SERINC5: variants seen among roughly 807,000 people sequenced by gnomAD.
SERINC5 encodes the protein serine incorporator 5.
SERINC5 carries 41 observed loss-of-function variants against 63.1 expected under a neutral mutation model. The ratio of observed to expected loss-of-function variants is 0.65; its 90% CI spans 0.51 to 0.84. SERINC5 has a LOEUF of 0.84. SERINC5 is among the 40% of genes least tolerant of loss of function. SERINC5 has a pLI of 0.00. For synonymous variants in SERINC5, 222 were observed against 215.2 expected (o/e 1.03, Z -0.28); for missense variants, 523 against 573.0 (o/e 0.91, Z 0.89).
chr5:80,156,935 T>C (rs540659049), intron 8 of SERINC5: 1 of 152,178 alleles, frequency 6.6e-6, no homozygotes, highest in South Asian at 2.1e-4. Context: ...TGCCATCTTT[T>C]CCATTGAAGG....
intron 11 of SERINC5, among the ~76,000 whole-genome samples, chr5:80,118,378 T>C (rs539577118): frequency 1.3e-5 from 2 of 152,280 alleles, no homozygotes; most frequent in Non-Finnish European, 2.9e-5. Flanking sequence ...AAATACCAGA[T>C]GCTGGGTAGC....
At chr5:80,129,044 G>A (rs1744845243) in intron 11 of SERINC5, 1 of 152,198 alleles carries the variant, frequency 6.6e-6, no homozygotes, top group Non-Finnish European at 1.5e-5. Context: ...GACACTGATT[G>A]TCCAGCTTAG....
chr5:80,221,627 A>C (rs1308340326), intron 1 of SERINC5, among the ~76,000 whole-genome samples: 1 of 152,288 alleles, frequency 6.6e-6, no homozygotes, highest in African/African-American at 2.4e-5. Flanking sequence ...GAATTTCATA[A>C]GTTTTTTAAA....
chr5:80,193,251 T>A (rs1030408306), intron 2 of SERINC5, among the ~76,000 whole-genome samples: 2 of 152,218 alleles, frequency 1.3e-5, no homozygotes, highest in African/African-American at 4.8e-5. Context: ...CTATGCATTG[T>A]TTCCTGTTCC....
intron 1 of SERINC5, among the ~76,000 whole-genome samples, chr5:80,217,365 C>T (rs1432271140): frequency 2.0e-5 from 3 of 152,104 alleles, no homozygotes; most frequent in Admixed American, 6.6e-5. Flanking sequence ...CCAAGAGGTG[C>T]TATGTGCCAG....
intron 1 of SERINC5, among the ~76,000 whole-genome samples, chr5:80,235,874 TTC>T (rs144788036): frequency 0.11 from 16,218 of 152,242 alleles, 1,061 homozygotes; most frequent in Middle Eastern, 0.17. Context: ...TATGTGTACT[TTC>T]TGTTGATTTA....
intron 1 of SERINC5, among the ~76,000 whole-genome samples, chr5:80,215,244 T>A (rs1750610769): frequency 6.6e-6 from 1 of 152,062 alleles, no homozygotes; most frequent in Non-Finnish European, 1.5e-5. Context: ...TGAGATCTGG[T>A]CATCTGAAGT....
At position 80,140,250 on chromosome 5, in the gene SERINC5, T is replaced by A; in HGVS notation, c.*3413A>T. The A allele has an allele frequency of 3.0e-5, 27 of 891,236 alleles. No homozygotes were observed. The highest frequency in any genetic ancestry group is 3.5e-5 in the Non-Finnish European group (27 of 764,948). 55.2% of individuals were successfully genotyped at this position (891,236 alleles called of 1,614,324 possible). A position where few individuals can be genotyped will look rare whatever the true frequency, so the allele number is the denominator to read the frequency against. On this transcript the variant is annotated 3_prime_UTR_variant, in exon 12 of 12. Transcript: ENST00000507668. ...TGAGCCCAGGAGGTCAAGCCTGCCA[T>A]GAGTCAAGATCATGTCACTGCACTC...
At chr5:80,203,546 A>G (rs933346761) in intron 1 of SERINC5, among the ~76,000 whole-genome samples, 8 of 152,090 alleles carry the variant, frequency 5.3e-5, no homozygotes, top group African/African-American at 1.7e-4. Context: ...GCATGGTGGC[A>G]CAAACCTGTA....
rs1045809423 is a variant in SERINC5, at chr5:80,142,922, G to A, written c.*741C>T. On this transcript the variant is annotated 3_prime_UTR_variant, in exon 12 of 12. Transcript: ENST00000507668. The stretch of plus-strand genomic sequence containing the variant: ...AGCGCCGTACTTATTGCAGTAACTC[G>A]GATCAGGTAGTGATAATAAGGTGGG... 6.1e-6 allele frequency: 6 copies of A among 985,358 alleles called. No homozygotes were observed. Among genetic ancestry groups the A allele is most frequent in the Non-Finnish European group, 7.2e-6 (6 of 829,912 alleles). 61.0% of individuals were successfully genotyped at this position (985,358 alleles called of 1,614,324 possible). A position where few individuals can be genotyped will look rare whatever the true frequency, so the allele number is the denominator to read the frequency against.
intron 1 of SERINC5, among the ~76,000 whole-genome samples, chr5:80,204,247 G>A (rs1021747627): frequency 3.3e-5 from 5 of 152,158 alleles, no homozygotes; most frequent in African/African-American, 1.2e-4. Context: ...CTGATTCATA[G>A]CTGGTCAGTC....
At chr5:80,201,129 T>TA (rs1014827062) in intron 2 of SERINC5, among the ~76,000 whole-genome samples, 5 of 151,110 alleles carry the variant, frequency 3.3e-5, no homozygotes, top group South Asian at 4.2e-4. Context: ...CATCAATCAA[T>TA]AAAAAAAATA....
At chr5:80,151,819 T>A (rs1329174114) in intron 8 of SERINC5, among the ~76,000 whole-genome samples, 1 of 152,190 alleles carries the variant, frequency 6.6e-6, no homozygotes, top group Admixed American at 6.5e-5. Flanking sequence ...TCATGTAGCT[T>A]CTGTGCTGGC....
intron 4 of SERINC5, among the ~76,000 whole-genome samples, chr5:80,176,375 A>G (rs1416612307): frequency 1.3e-5 from 2 of 152,232 alleles, no homozygotes; most frequent in South Asian, 2.1e-4. Flanking sequence ...AGGCCCTGAT[A>G]CATAACTATA....
chr5:80,202,600 C>T (rs540422798), intron 2 of SERINC5, among the ~76,000 whole-genome samples: 1 of 152,262 alleles, frequency 6.6e-6, no homozygotes, highest in African/African-American at 2.4e-5. Flanking sequence ...CCCCATTAAT[C>T]TACACAAATG....
intron 8 of SERINC5, among the ~76,000 whole-genome samples, chr5:80,152,464 A>T (rs932381785): frequency 6.6e-6 from 1 of 150,758 alleles, no homozygotes; most frequent in Non-Finnish European, 1.5e-5. Flanking sequence ...AGTGCACTTC[A>T]GCCTGAGTGA....
At chr5:80,224,128 C>T (rs573960797) in intron 1 of SERINC5, among the ~76,000 whole-genome samples, 110 of 85,346 alleles carry the variant, frequency 1.3e-3, no homozygotes, top group African/African-American at 4.7e-3. Context: ...AACAAAACTC[C>T]GTCTCAAAAA....
intron 11 of SERINC5, chr5:80,128,519 G>C (rs550123096): frequency 1.3e-5 from 2 of 152,348 alleles, no homozygotes; most frequent in South Asian, 4.1e-4. Context: ...GGAAAGGAAA[G>C]ATTGACCTAA....
chr5:80,250,908 G>A (rs941382274), intron 1 of SERINC5, among the ~76,000 whole-genome samples: 1 of 152,082 alleles, frequency 6.6e-6, no homozygotes, highest in African/African-American at 2.4e-5. Context: ...AGTCACCTCT[G>A]CACAAAATCG....
Sources: allele counts gnomAD v4.1 joint callset (sites outside exome capture counted in the v4.1 genomes callset), GRCh38; gene constraint gnomAD v4.1.1; transcripts MANE v1.5; gene names NCBI Gene and HGNC (gene_info 2026-07-23, HGNC 2026-07-21).